The following UGGT2 variants were observed in gnomAD, a reference collection of about 807,000 sequenced individuals.
The protein encoded by UGGT2 is UDP-glucose glycoprotein glucosyltransferase 2, also known as UDP-glucose:glycoprotein glucosyltransferase 2.
Under a neutral mutation model 192.1 loss-of-function variants are expected in UGGT2, and 180 were observed. The observed-to-expected ratio is 0.94, with a 90% CI of 0.83 to 1.06. UGGT2 has a LOEUF of 1.06. Ranked by LOEUF, UGGT2 falls within the 50% of genes least tolerant of loss-of-function variation. The pLI, the probability that UGGT2 is intolerant of heterozygous loss-of-function variation, is 0.00. For synonymous variants in UGGT2, 580 were observed against 591.0 expected (o/e 0.98, Z 0.27); for missense variants, 1,849 against 1,795.7 (o/e 1.03, Z -0.54).
At chr13:95,881,314 T>C (rs1327920533) in intron 27 of UGGT2, among the ~76,000 whole-genome samples, 1 of 152,164 alleles carries the variant, frequency 6.6e-6, no homozygotes, top group South Asian at 2.1e-4. Context: ...AAAGTACAAG[T>C]CTTCTGATAT....
chr13:95,816,938 C>A (rs1476426903), intron 38 of UGGT2, among the ~76,000 whole-genome samples: 1 of 151,720 alleles, frequency 6.6e-6, no homozygotes, highest in Non-Finnish European at 1.5e-5. Flanking sequence ...ACCAGCCTGG[C>A]CAACATGGCG....
intron 38 of UGGT2, among the ~76,000 whole-genome samples, chr13:95,827,933 G>C (rs1405995140): frequency 1.3e-5 from 2 of 152,110 alleles, no homozygotes; most frequent in Non-Finnish European, 2.9e-5. Context: ...AACCAATTCA[G>C]CATGAGAATA....
chr13:95,902,318 A>G (rs769317322), intron 21 of UGGT2, among the ~76,000 whole-genome samples: 2 of 152,134 alleles, frequency 1.3e-5, no homozygotes, highest in African/African-American at 2.4e-5. Context: ...ATCCTTAGCT[A>G]ATGACCTGAC....
At chr13:95,942,230 GT>G in intron 15 of UGGT2, among the ~76,000 whole-genome samples, 1 of 47,124 alleles carries the variant, frequency 2.1e-5, no homozygotes, top group African/African-American at 5.2e-5. Flanking sequence ...GGGTGTGTGT[GT>G]GTGTGTGTGT....
intron 36 of UGGT2, among the ~76,000 whole-genome samples, chr13:95,837,427 C>T (rs896747501): frequency 3.9e-5 from 6 of 152,158 alleles, no homozygotes; most frequent in Non-Finnish European, 5.9e-5. Context: ...CTAGACTCTA[C>T]CCCTGGGAAC....
intron 20 of UGGT2, among the ~76,000 whole-genome samples, chr13:95,915,089 C>T (rs1236770689): frequency 6.6e-6 from 1 of 152,160 alleles, no homozygotes; most frequent in Non-Finnish European, 1.5e-5. Flanking sequence ...TCTAGCCATA[C>T]ACTTTGCTGT....
chr13:95,958,972 C>T (rs1454354880), intron 12 of UGGT2, among the ~76,000 whole-genome samples: 1 of 152,222 alleles, frequency 6.6e-6, no homozygotes, highest in Non-Finnish European at 1.5e-5. Context: ...GGAGATTGCA[C>T]AATGCCACTG....
intron 12 of UGGT2, among the ~76,000 whole-genome samples, chr13:95,965,689 A>G (rs1423337957): frequency 6.6e-6 from 1 of 152,000 alleles, no homozygotes; most frequent in Admixed American, 6.6e-5. Flanking sequence ...ACATGTATAC[A>G]TATGTAACTA....
At chr13:95,913,644 G>A (rs529168927) in intron 20 of UGGT2, among the ~76,000 whole-genome samples, 2 of 152,362 alleles carry the variant, frequency 1.3e-5, no homozygotes, top group Non-Finnish European at 2.9e-5. Flanking sequence ...TGGTGTGAGT[G>A]TAAATTAGTT....
chr13:95,999,742 A>G (rs1566810971), intron 5 of UGGT2, among the ~76,000 whole-genome samples: 1 of 146,742 alleles, frequency 6.8e-6, no homozygotes, highest in Non-Finnish European at 1.5e-5. Context: ...GTGCTGCCAA[A>G]AGCAAACACT....
chr13:95,999,385 A>AT, intron 5 of UGGT2, 78 bp from the exon 6 acceptor site: 1 of 1,306,272 alleles, frequency 7.7e-7, no homozygotes, highest in Non-Finnish European at 1.1e-6. Context: ...ACCACGATGT[A>AT]TTTGGACATA....
In UGGT2 at chr13:95,863,633, T is replaced by C. The variant is rs763460993; in HGVS notation, c.3640A>G (p.Lys1214Glu). The change falls in exon 31 of 39, where the codon AAA becomes GAA. Residue 1214 changes from lysine (K) to glutamate (E), a missense_variant. Coordinates refer to ENST00000376747, the MANE Select transcript of UGGT2 (RefSeq NM_020121.4). ...EKTKGLWDSI[K>E]SFTVSLHKEN... ...AAAATATTCATTAGTAATTACCTTT[T>C]AATGGAATCCCACAGTCCTTTTGTT... The C allele has an allele frequency of 6.2e-7, 1 of 1,605,720 alleles. No individual in the cohort carries two copies. Among genetic ancestry groups the C allele is most frequent in the Non-Finnish European group, 8.5e-7 (1 of 1,172,876 alleles).
At chr13:95,880,001 C>T (rs1449981849) in intron 27 of UGGT2, among the ~76,000 whole-genome samples, 2 of 152,088 alleles carry the variant, frequency 1.3e-5, no homozygotes, top group African/African-American at 4.8e-5. Context: ...ATCAACCTGC[C>T]ATCTACATTA....
At chr13:96,020,279 AGGG>A (rs904821469) in intron 4 of UGGT2, among the ~76,000 whole-genome samples, 2 of 152,152 alleles carry the variant, frequency 1.3e-5, no homozygotes, top group African/African-American at 4.8e-5. Flanking sequence ...TATTTTAAAA[AGGG>A]GTGTACTAAG....
chr13:95,834,304 C>T (rs957833885), intron 37 of UGGT2, among the ~76,000 whole-genome samples: 4 of 151,910 alleles, frequency 2.6e-5, no homozygotes, highest in East Asian at 1.9e-4. Flanking sequence ...TCATGCCCCT[C>T]GGGGAGCTTT....
intron 1 of UGGT2, among the ~76,000 whole-genome samples, 159 bp downstream of exon 1, chr13:96,052,996 C>G (rs992731683): frequency 3.9e-5 from 6 of 152,208 alleles, no homozygotes; most frequent in Non-Finnish European, 7.3e-5. Context: ...GAAGCCGCCC[C>G]GGGTCGGGAA....
At chr13:96,011,051 T>C (rs1451898179) in intron 5 of UGGT2, among the ~76,000 whole-genome samples, 1 of 152,098 alleles carries the variant, frequency 6.6e-6, no homozygotes, top group Non-Finnish European at 1.5e-5. Flanking sequence ...CAACTAGATA[T>C]CCATATGTAG....
rs377389833 is a variant in UGGT2, at chr13:95,970,269, A to C, written c.1185-7T>G. On this transcript the variant is annotated splice_region_variant and splice_polypyrimidine_tract_variant and intron_variant, in intron 11 of 38. Transcript: ENST00000376747. The stretch of plus-strand genomic sequence containing the variant: ...TTTCAGCATATCCAAAATACTATAT[A>C]TTCAAAGAAAAAACAGTTTTATTTT... 2 of 1,585,872 alleles carry C rather than the reference A, an allele frequency of 1.3e-6. No homozygotes were observed. Among genetic ancestry groups the C allele is most frequent in the African/African-American group, 2.7e-5 (2 of 73,178 alleles).
In UGGT2 at chr13:95,907,688, G is replaced by A. The variant is rs182615301; in HGVS notation, c.2296-4628C>T. On this transcript the variant is annotated intron_variant, in intron 20 of 38. Transcript: ENST00000376747. ...TAGAAGGAAAACTAACAAACAGAAA[G>A]GAATAGCATCAACATCAACAAAAAG... Among the ~76,000 whole-genome samples, 60 of 152,202 alleles carry A rather than the reference G, an allele frequency of 3.9e-4. 1 individual carries two copies. Among genetic ancestry groups the A allele is most frequent in the African/African-American group, 1.4e-3 (58 of 41,526 alleles).
Sources: allele counts gnomAD v4.1 joint callset (sites outside exome capture counted in the v4.1 genomes callset), GRCh38; gene constraint gnomAD v4.1.1; transcripts MANE v1.5; gene names NCBI Gene and HGNC (gene_info 2026-07-23, HGNC 2026-07-21).